PPM1E: variants seen among roughly 807,000 people sequenced by gnomAD.
PPM1E encodes protein phosphatase, Mg2+/Mn2+ dependent 1E.
A neutral mutation model predicts 65.9 loss-of-function variants in PPM1E; 20 were observed. The ratio of observed to expected loss-of-function variants is 0.30; its 90% CI spans 0.21 to 0.44. PPM1E has a LOEUF of 0.44. Among genes scored for constraint, PPM1E ranks in the 20% least tolerant of loss-of-function variants. PPM1E has a pLI of 1.00. For missense variants in PPM1E, 713 were observed against 953.1 expected (o/e 0.75, Z 3.32); for synonymous variants, 352 against 374.9 (o/e 0.94, Z 0.70).
At chr17:58,845,588 C>T (rs1462571215) in intron 1 of PPM1E, among the ~76,000 whole-genome samples, 3 of 152,122 alleles carry the variant, frequency 2.0e-5, no homozygotes, top group African/African-American at 4.8e-5. Context: ...TGGAATCATA[C>T]AGTATTTATC....
At chr17:58,965,556 A>G in intron 2 of PPM1E, 138 bp from the exon 3 acceptor site, 1 of 845,204 alleles carries the variant, frequency 1.2e-6, no homozygotes, top group Middle Eastern at 3.5e-4. Context: ...GCAGCATTTC[A>G]TTTTTCTTGA....
Position 58,826,346 on chromosome 17 carries a change from G to GTT in PPM1E, c.464+69888_464+69889dup, listed in dbSNP as rs531961109. Among the ~76,000 whole-genome samples, 46 of 151,034 alleles carry GTT rather than the reference G, an allele frequency of 3.0e-4. No individual in the cohort carries two copies. The East Asian group carries it at 8.7e-3, about 29-fold the overall frequency. On this transcript the variant is annotated intron_variant, in intron 1 of 6. Coordinates refer to ENST00000308249, the MANE Select transcript of PPM1E (RefSeq NM_014906.5). The stretch of plus-strand genomic sequence containing the variant: ...AGAAAAGAAAGAAAGCGGCTTTGAT[G>GTT]TTTTATATTATGAAAGAAATTTAGC...
chr17:58,828,515 A>G (rs2050565285), intron 1 of PPM1E, among the ~76,000 whole-genome samples: 1 of 151,942 alleles, frequency 6.6e-6, no homozygotes, highest in African/African-American at 2.4e-5. Context: ...CCCAGGCTGG[A>G]GTGCAATGCC....
At chr17:58,922,056 GA>G (rs548601181) in intron 1 of PPM1E, among the ~76,000 whole-genome samples, 3,504 of 142,928 alleles carry the variant, frequency 0.025, 96 homozygotes, top group African/African-American at 0.066. Context: ...AAAAAAAAAA[GA>G]AAAAAAAAAA....
chr17:58,822,596 A>G (rs2050492363), intron 1 of PPM1E, among the ~76,000 whole-genome samples: 1 of 152,158 alleles, frequency 6.6e-6, no homozygotes, highest in Non-Finnish European at 1.5e-5. Context: ...AGAACGGGGT[A>G]ACATTGCCAA....
At position 58,771,653 on chromosome 17, in the gene PPM1E, G is replaced by GAAAGAA. The variant is rs572343172; in HGVS notation, c.464+15195_464+15200dup. 5.5e-3 allele frequency among the ~76,000 whole-genome samples: 809 copies of GAAAGAA among 148,368 alleles called. 3 individuals carry two copies. Among genetic ancestry groups the GAAAGAA allele is most frequent in the Middle Eastern group, 0.014 (4 of 290 alleles). ...AAAAGAAAAAGAAGAAGATAAAAAA[G>GAAAGAA]AAAGAAAAGGAAAATATATGATTAA... On this transcript the variant is annotated intron_variant, in intron 1 of 6. Coordinates refer to ENST00000308249, the MANE Select transcript of PPM1E (RefSeq NM_014906.5).
intron 1 of PPM1E, among the ~76,000 whole-genome samples, chr17:58,944,919 C>G (rs2052126846): frequency 6.6e-6 from 1 of 152,196 alleles, no homozygotes; most frequent in African/African-American, 2.4e-5. Context: ...GCCAAAGCAG[C>G]TGTACCACTT....
At chr17:58,945,885 T>G (rs1039928085) in intron 1 of PPM1E, among the ~76,000 whole-genome samples, 2 of 152,188 alleles carry the variant, frequency 1.3e-5, no homozygotes, top group Non-Finnish European at 2.9e-5. Context: ...GCCACCCTTC[T>G]AGCACATAGT....
At chr17:58,945,695 A>G (rs2052140709) in intron 1 of PPM1E, among the ~76,000 whole-genome samples, 1 of 152,204 alleles carries the variant, frequency 6.6e-6, no homozygotes, top group Admixed American at 6.5e-5. Flanking sequence ...CCTTCTCCGA[A>G]GTTAAATAAT....
At chr17:58,931,083 AAAAGAAAG>A (rs71358696) in intron 1 of PPM1E, among the ~76,000 whole-genome samples, 19,890 of 141,136 alleles carry the variant, frequency 0.14, 1,762 homozygotes, top group Non-Finnish European at 0.2. Context: ...AAAAAAAAAA[AAAAGAAAG>A]AAAGAAAGAA....
At chr17:58,918,654 A>C (rs932594458) in intron 1 of PPM1E, among the ~76,000 whole-genome samples, 1 of 151,926 alleles carries the variant, frequency 6.6e-6, no homozygotes, top group Non-Finnish European at 1.5e-5. Context: ...AAAATACAAA[A>C]AATTCGCCGG....
rs953417596 is a variant in PPM1E, at chr17:58,781,890, GA to G, written c.464+25439del. 2.1e-4 allele frequency among the ~76,000 whole-genome samples: 30 copies of G among 146,016 alleles called. 1 individual carries two copies. Among genetic ancestry groups the G allele is most frequent in the Admixed American group, 1.1e-3 (16 of 14,570 alleles). On this transcript the variant is annotated intron_variant, in intron 1 of 6. Transcript: ENST00000308249. ...AACAGAGCAAGACTCCGTCTCAAAAGAAAAAAAAAATAAAATAAAATGCAGT... is the reference window on the plus strand; with the variant it reads ...AACAGAGCAAGACTCCGTCTCAAAAGAAAAAAAAATAAAATAAAATGCAGT...
chr17:58,958,075 C>T (rs2029907628), intron 2 of PPM1E, among the ~76,000 whole-genome samples: 1 of 152,090 alleles, frequency 6.6e-6, no homozygotes, highest in Non-Finnish European at 1.5e-5. Flanking sequence ...CCCAGGAGTT[C>T]AAGGTTACAG....
chr17:58,766,807 ACT>A (rs2049884746), intron 1 of PPM1E, among the ~76,000 whole-genome samples: 1 of 152,056 alleles, frequency 6.6e-6, no homozygotes, highest in South Asian at 2.1e-4. Flanking sequence ...ATTTCTGGCA[ACT>A]CTGAATATTT....
chr17:58,955,877 T>G (rs1010371003), intron 2 of PPM1E, 110 bp downstream of exon 2: 2 of 1,282,796 alleles, frequency 1.6e-6, no homozygotes, highest in East Asian at 5.4e-5. Flanking sequence ...ACCTGCTGGT[T>G]GTTTATGTAG....
At chr17:58,881,760 C>T (rs2051197525) in intron 1 of PPM1E, among the ~76,000 whole-genome samples, 1 of 152,010 alleles carries the variant, frequency 6.6e-6, no homozygotes, top group African/African-American at 2.4e-5. Flanking sequence ...GGGAGGATGG[C>T]TTGAGCCCAG....
At chr17:58,832,866 T>C (rs115626688) in intron 1 of PPM1E, among the ~76,000 whole-genome samples, 6,102 of 152,164 alleles carry the variant, frequency 0.04, 245 homozygotes, top group African/African-American at 0.1. Flanking sequence ...CAGGCTGGAG[T>C]GCAGTGGTGT....
At chr17:58,900,836 A>G (rs2051490139) in intron 1 of PPM1E, among the ~76,000 whole-genome samples, 1 of 152,152 alleles carries the variant, frequency 6.6e-6, no homozygotes, top group Non-Finnish European at 1.5e-5. Flanking sequence ...TTGGGAGTGG[A>G]TTGATGGATC....
intron 1 of PPM1E, among the ~76,000 whole-genome samples, chr17:58,930,411 C>T (rs1314440514): frequency 6.6e-6 from 1 of 152,000 alleles, no homozygotes; most frequent in Admixed American, 6.6e-5. Flanking sequence ...CTGTAGTGAT[C>T]TGTAATTGTA....
Sources: allele counts gnomAD v4.1 joint callset (sites outside exome capture counted in the v4.1 genomes callset), GRCh38; gene constraint gnomAD v4.1.1; transcripts MANE v1.5; gene names NCBI Gene and HGNC (gene_info 2026-07-23, HGNC 2026-07-21).